CCDC78: variants seen among roughly 807,000 people sequenced by gnomAD.
The protein encoded by CCDC78 is coiled-coil domain-containing protein 78.
Under a neutral mutation model 61.9 loss-of-function variants are expected in CCDC78, and 78 were observed. The observed-to-expected ratio is 1.26, with a 90% CI of 1.05 to 1.52. The LOEUF is 1.52. Ranked by LOEUF, CCDC78 falls within the 40% of genes most tolerant of loss-of-function variation. The probability of loss-of-function intolerance (pLI) is 0.00; values close to 1 mark genes in which losing one functional copy is unlikely to be tolerated. For synonymous variants in CCDC78, 287 were observed against 251.9 expected, an observed-to-expected ratio of 1.14 and a Z score of -1.32; for missense variants, 737 against 615.5, an observed-to-expected ratio of 1.20 and a Z score of -2.09.
chr16:726,357 G>T lies in CCDC78; in HGVS notation c.11C>A (p.Ala4Glu). Reference protein sequence around the residue: MEHAATTGPRPGPP... With the variant: MEHEATTGPRPGPP... Reference sequence around the variant, plus strand: ...TCCAGGCCTGGGGCCTGTGGTGGCTGCGTGCTCCATAGGCTAGGGAACCCT... The same window carrying T: ...TCCAGGCCTGGGGCCTGTGGTGGCTTCGTGCTCCATAGGCTAGGGAACCCT... Residue 4 changes from alanine to glutamate, a missense_variant, in exon 1 of 14, where the codon GCA (alanine) becomes GAA (glutamate). Transcript: ENST00000345165. The T allele has an allele frequency of 6.5e-7, 1 of 1,541,114 alleles. No individual in the cohort carries two copies. Among genetic ancestry groups the T allele is most frequent in the Non-Finnish European group, 8.7e-7 (1 of 1,145,516 alleles).
In CCDC78 at chr16:724,401, G is replaced by A. The variant is rs2151554185; in HGVS notation, c.874C>T (p.Leu292=). ...RAAHRSREQQ[L]ARAARSYHKR... ...TGGTAGCTGCGGGCAGCCCGGGCCAGCTGCTGCTCACGGCTGCGGTGCGCT... is the reference window on the plus strand; with the variant it reads ...TGGTAGCTGCGGGCAGCCCGGGCCAACTGCTGCTCACGGCTGCGGTGCGCT... The change falls in exon 9 of 14, where the codon CTG becomes TTG. Residue 292 remains leucine, a synonymous_variant. Coordinates refer to ENST00000345165, the MANE Select transcript of CCDC78 (RefSeq NM_001378030.1). 6.2e-7 allele frequency: 1 copy of A among 1,611,270 alleles called. No individual in the cohort carries two copies. The highest frequency in any genetic ancestry group is 2.2e-5 in the East Asian group (1 of 44,870).
At position 725,540 on chromosome 16, in the gene CCDC78, C is replaced by CGCAGCT. The variant is rs1567324417; in HGVS notation, c.302_307dup (p.Leu102_Arg103insGlnLeu). On this transcript the variant is annotated inframe_insertion, in exon 4 of 14. Coordinates refer to ENST00000345165, the MANE Select transcript of CCDC78 (RefSeq NM_001378030.1). ...ACAGCCCTGGCTGGTGCCATCTCCT[C>CGCAGCT]GCAGCTCCAGCTCCAGTACCCGGCT... 6.2e-7 allele frequency: 1 copy of CGCAGCT among 1,611,762 alleles called. No homozygotes were observed. Among genetic ancestry groups the CGCAGCT allele is most frequent in the South Asian group, 1.1e-5 (1 of 91,062 alleles).
In CCDC78 at chr16:725,299, TG is replaced by T; in HGVS notation, c.436-7del. The T allele has an allele frequency of 1.2e-6, 2 of 1,608,396 alleles. No individual in the cohort carries two copies. Among genetic ancestry groups the T allele is most frequent in the Non-Finnish European group, 1.7e-6 (2 of 1,179,916 alleles). Reference sequence around the variant, plus strand: ...ATGGTGTTCTTGGGCTGCACCTGAATGGAAGGGAGGGCAGGGAAAGCTAAGG... The same window carrying T: ...ATGGTGTTCTTGGGCTGCACCTGAATGAAGGGAGGGCAGGGAAAGCTAAGG... On this transcript the variant is annotated splice_region_variant and splice_polypyrimidine_tract_variant and intron_variant, in intron 4 of 13. Coordinates refer to ENST00000345165, the MANE Select transcript of CCDC78 (RefSeq NM_001378030.1).
intron 4 of CCDC78, 59 bp from the exon 5 acceptor site, chr16:725,352 G>A (rs1383681276): frequency 6.8e-6 from 11 of 1,611,240 alleles, no homozygotes; most frequent in Non-Finnish European, 8.5e-6. Context: ...TTTCACTGAG[G>A]CCCCTGCTGA....
At position 725,297 on chromosome 16, in the gene CCDC78, A is replaced by G; in HGVS notation, c.436-4T>C. Reference sequence around the variant, plus strand: ...TCATGGTGTTCTTGGGCTGCACCTGAATGGAAGGGAGGGCAGGGAAAGCTA... The same window carrying G: ...TCATGGTGTTCTTGGGCTGCACCTGGATGGAAGGGAGGGCAGGGAAAGCTA... On this transcript the variant is annotated splice_polypyrimidine_tract_variant and splice_region_variant and intron_variant, in intron 4 of 13. Coordinates refer to ENST00000345165, the MANE Select transcript of CCDC78 (RefSeq NM_001378030.1). The G allele has an allele frequency of 4.4e-6, 7 of 1,608,252 alleles. No homozygotes were observed. Among genetic ancestry groups the G allele is most frequent in the Non-Finnish European group, 4.2e-6 (5 of 1,179,920 alleles).
intron 11 of CCDC78, 23 bp from the exon 12 acceptor site, chr16:723,184 G>A (rs1347225777): frequency 6.2e-7 from 1 of 1,610,730 alleles, no homozygotes; most frequent in Non-Finnish European, 8.5e-7. Context: ...AGGAAAGGAG[G>A]AGTGGTTTTG....
At chr16:723,344 T>A (rs557697305) in intron 11 of CCDC78, 183 bp from the exon 12 acceptor site, 1 of 740,536 alleles carries the variant, frequency 1.4e-6, no homozygotes, top group Non-Finnish European at 2.4e-6. Context: ...CATCCGTGTA[T>A]AGGGACAGCC....
Position 725,245 on chromosome 16 carries a change from C to T in CCDC78, c.484G>A (p.Gly162Arg), listed in dbSNP as rs534149082. 2 of 1,607,966 alleles carry T rather than the reference C, an allele frequency of 1.2e-6. No individual in the cohort carries two copies. Among genetic ancestry groups the T allele is most frequent in the Non-Finnish European group, 1.7e-6 (2 of 1,179,958 alleles). The stretch of plus-strand genomic sequence containing the variant: ...GGTGGCTGCACACTCACGCCGCTCC[C>T]CAGCCTGTGCTGCTCATTCTCGGGG... Reference protein sequence around the residue: ...MNPENEQHRLGSGLQGEVKWA... With the variant: ...MNPENEQHRLRSGLQGEVKWA... The change falls in exon 5 of 14, where the codon GGG (glycine) becomes AGG (arginine). Residue 162 changes from glycine to arginine, a missense_variant. Transcript: ENST00000345165.
rs748680465 is a variant in CCDC78, at chr16:724,983, G to A, written c.567C>T (p.Thr189=). The change falls in exon 7 of 14, where the codon ACC becomes ACT. Residue 189 remains threonine (T), a synonymous_variant. Transcript: ENST00000345165. The part of the protein sequence containing the change: ...RQQALVTRVA[T]LGRQLQGARE... Reference sequence around the variant, plus strand: ...GGGCTCCCTGCAGCTGCCGGCCCAGGGTTGCCCTGAAGACACGGGGGTGAG... The same window carrying A: ...GGGCTCCCTGCAGCTGCCGGCCCAGAGTTGCCCTGAAGACACGGGGGTGAG... 59 of 1,612,030 alleles carry A rather than the reference G, an allele frequency of 3.7e-5. No homozygotes were observed. The highest frequency in any genetic ancestry group is 4.7e-5 in the Non-Finnish European group (56 of 1,179,658).
chr16:724,542 C>T, intron 8 of CCDC78, 33 bp from the exon 9 acceptor site: 1 of 1,574,168 alleles, frequency 6.4e-7, no homozygotes, highest in East Asian at 2.3e-5. Context: ...GCATGGGGCC[C>T]ACCCCCCATC....
rs771752261 is a variant in CCDC78, at chr16:722,766, A to C, written c.1325T>G (p.Leu442Arg). The C allele has an allele frequency of 1.2e-6, 2 of 1,612,540 alleles. No individual in the cohort carries two copies. The highest frequency in any genetic ancestry group is 1.7e-6 in the Non-Finnish European group (2 of 1,179,956). Residue 442 changes from leucine to arginine, a missense_variant, in exon 14 of 14, where the codon CTG becomes CGG. Transcript: ENST00000345165. ...LGRYKHEILR[L>R]RKLAGAGDPW... ...GTCCCCTGCACCTGCCAGCTTCCTC[A>C]GCCTCAGGATTTCGTGCTTGTACCT...
upstream of CCDC78, chr16:726,638 G>C (rs145975858): frequency 0.011 from 5,598 of 528,926 alleles, 114 homozygotes; most frequent in South Asian, 0.057. Flanking sequence ...AACCAGGTGC[G>C]TGAAAGCGCC....
upstream of CCDC78, chr16:726,713 C>A: frequency 4.5e-6 from 2 of 447,644 alleles, no homozygotes; most frequent in South Asian, 2.9e-5. Flanking sequence ...ATGCCCTGAG[C>A]TACACTCGCT....
intron 7 of CCDC78, 26 bp from the exon 8 acceptor site, chr16:724,832 G>C: frequency 6.2e-7 from 1 of 1,611,020 alleles, no homozygotes; most frequent in Non-Finnish European, 8.5e-7. Flanking sequence ...CCCTCCACCT[G>C]TGCCCTGAGA....
chr16:724,928 G>C lies in CCDC78; in HGVS notation c.622C>G (p.Leu208Val). ...AGCCTCACCACAGCCTGTGTGGCCA[G>C]TCGCTGCCCGGCTGCCCTGGCCTCC... ...REEARAAGQRLATQAVVLCSC... is the reference protein window; with the variant it reads ...REEARAAGQRVATQAVVLCSC... The change falls in exon 7 of 14, where the codon CTG becomes GTG. Residue 208 changes from leucine (L) to valine (V), a missense_variant. Physicochemically the swap from Leu to Val is conservative, Grantham distance 32. Transcript: ENST00000345165. 1 of 1,605,822 alleles carries C rather than the reference G, an allele frequency of 6.2e-7. No homozygotes were observed. Among genetic ancestry groups the C allele is most frequent in the South Asian group, 1.1e-5 (1 of 90,380 alleles).
Position 726,062 on chromosome 16 carries a change from C to G in CCDC78, c.84G>C (p.Trp28Cys). 6.5e-7 allele frequency: 1 copy of G among 1,548,720 alleles called. No homozygotes were observed. Among genetic ancestry groups the G allele is most frequent in the Non-Finnish European group, 8.7e-7 (1 of 1,146,702 alleles). The change falls in exon 2 of 14, where the codon TGG becomes TGC. Residue 28 changes from tryptophan to cysteine, a missense_variant. Trp to Cys is a radical substitution (Grantham distance 215, BLOSUM62 -2). Coordinates refer to ENST00000345165, the MANE Select transcript of CCDC78 (RefSeq NM_001378030.1). ...CGGTGCCCCCAGGAGCTCCTGGCAG[C>G]CAGTCCTTGGCTCGTAGCACAACCT... ...VENVVLRAKD[W>C]LPGAPGGTAV...
rs146067716 is a variant in CCDC78, at chr16:722,978, C to T, written c.1245G>A (p.Thr415=). 540 of 1,612,446 alleles carry T rather than the reference C, an allele frequency of 3.3e-4. 3 individuals carry two copies. The highest frequency in any genetic ancestry group is 2.5e-3 in the South Asian group (228 of 91,082). The change falls in exon 13 of 14, where the codon ACG becomes ACA. Residue 415 remains threonine (T), a synonymous_variant. Coordinates refer to ENST00000345165, the MANE Select transcript of CCDC78 (RefSeq NM_001378030.1). Reference sequence around the variant, plus strand: ...GCTCAGAAAGTTGCTCTTCAGCCATCGTGGCCCGGACCAGCAGCTGTGCCC... The same window carrying T: ...GCTCAGAAAGTTGCTCTTCAGCCATTGTGGCCCGGACCAGCAGCTGTGCCC... The part of the protein sequence containing the change: ...RERAQLLVRA[T]MAEEQLSELQ...
intron 10 of CCDC78, 49 bp from the exon 11 acceptor site, chr16:723,985 C>T: frequency 1.3e-6 from 2 of 1,598,544 alleles, no homozygotes; most frequent in Non-Finnish European, 8.5e-7. Context: ...ACAAGGCAAG[C>T]CCCTCAGAGG....
At position 724,106 on chromosome 16, in the gene CCDC78, C is replaced by A; in HGVS notation, c.1053G>T (p.Gln351His). 1 of 1,591,136 alleles carries A rather than the reference C, an allele frequency of 6.3e-7. No homozygotes were observed. Among genetic ancestry groups the A allele is most frequent in the South Asian group, 1.1e-5 (1 of 87,650 alleles). Residue 351 changes from glutamine (Q) to histidine (H), a missense_variant and splice_region_variant, in exon 10 of 14, where the codon CAG becomes CAT. Physicochemically the swap from Gln to His is conservative, Grantham distance 24. Coordinates refer to ENST00000345165, the MANE Select transcript of CCDC78 (RefSeq NM_001378030.1). ...AGCTTCTGGGGGTCTCTAGCCTCACCTGGTCCTCCCGATGGCTGAAGTCAG... is the reference window on the plus strand; with the variant it reads ...AGCTTCTGGGGGTCTCTAGCCTCACATGGTCCTCCCGATGGCTGAAGTCAG... ...LVTDFSHRED[Q>H]HGGPGALLSS...
Sources: gnomAD v4.1 joint callset for allele counts on GRCh38, gnomAD v4.1.1 for gene constraint, MANE v1.5 for transcripts, NCBI Gene and HGNC (gene_info 2026-07-23, HGNC 2026-07-21) for gene names.